The following ADAMTS2 variants were observed in gnomAD, a reference collection of about 807,000 sequenced individuals.
ADAMTS2 encodes A disintegrin and metalloproteinase with thrombospondin motifs 2.
In ADAMTS2, 50 loss-of-function variants were observed where a neutral mutation model predicts 123.0. The observed-to-expected ratio is 0.41, with a 90% confidence interval of 0.32 to 0.51. The LOEUF is 0.51. ADAMTS2 is among the 20% of genes least tolerant of loss of function. The probability of loss-of-function intolerance (pLI) is 0.35; values close to 1 mark genes in which losing one functional copy is unlikely to be tolerated. For missense variants in ADAMTS2, 1,494 were observed against 1,705.2 expected (o/e 0.88, Z 2.18); for synonymous variants, 678 against 695.4 (o/e 0.98, Z 0.39).
chr5:179,226,570 C>T (rs965720481), intron 3 of ADAMTS2, among the ~76,000 whole-genome samples: 2 of 152,062 alleles, frequency 1.3e-5, no homozygotes, highest in Non-Finnish European at 2.9e-5. Context: ...AGCCACCGAG[C>T]AGCTTTTCAG....
At chr5:179,227,785 G>A (rs1358852551) in intron 3 of ADAMTS2, among the ~76,000 whole-genome samples, 1 of 152,160 alleles carries the variant, frequency 6.6e-6, no homozygotes, top group East Asian at 1.9e-4. Context: ...GGAGGGCCAG[G>A]AGAGGAGAGA....
At position 179,236,824 on chromosome 5, in the gene ADAMTS2, T is replaced by C. The variant is rs75332781; in HGVS notation, c.689-29109A>G. On this transcript the variant is annotated intron_variant, in intron 3 of 21. Coordinates refer to ENST00000251582, the MANE Select transcript of ADAMTS2 (RefSeq NM_014244.5). ...GAATTTCCCCCTTCGATGTATGCTATGGACTGAATATTTGTACCCCCAAAA... is the reference window on the plus strand; with the variant it reads ...GAATTTCCCCCTTCGATGTATGCTACGGACTGAATATTTGTACCCCCAAAA... 8.1e-3 allele frequency among the ~76,000 whole-genome samples: 1,233 copies of C among 152,236 alleles called. 14 individuals are homozygous for C. The highest frequency in any genetic ancestry group is 0.028 in the African/African-American group (1,153 of 41,526).
chr5:179,213,327 T>C (rs1032225238), intron 3 of ADAMTS2, among the ~76,000 whole-genome samples: 2 of 152,246 alleles, frequency 1.3e-5, no homozygotes, highest in African/African-American at 4.8e-5. Context: ...GACACTCCAC[T>C]GCAGGCAGGT....
At chr5:179,341,428 C>T (rs1236872015) in intron 2 of ADAMTS2, 25 of 319,926 alleles carry the variant, frequency 7.8e-5, no homozygotes, top group Non-Finnish European at 1.3e-4. Context: ...AGGCTGGGCG[C>T]AGTGGCTCAT....
chr5:179,288,274 A>C (rs1756085243), intron 2 of ADAMTS2, among the ~76,000 whole-genome samples: 1 of 152,050 alleles, frequency 6.6e-6, no homozygotes, highest in South Asian at 2.1e-4. Context: ...GGGCACGCTG[A>C]CCGCCGACCG....
intron 2 of ADAMTS2, among the ~76,000 whole-genome samples, chr5:179,329,265 T>G (rs749228840): frequency 4.0e-5 from 6 of 149,346 alleles, no homozygotes; most frequent in Non-Finnish European, 8.9e-5. Context: ...AGGCAGAGCT[T>G]GCAGTGAGCC....
intron 2 of ADAMTS2, among the ~76,000 whole-genome samples, chr5:179,275,763 T>A (rs945351354): frequency 6.6e-6 from 1 of 152,206 alleles, no homozygotes; most frequent in African/African-American, 2.4e-5. Flanking sequence ...TGGGTCAGGT[T>A]ATACCGACTT....
Position 179,344,145 on chromosome 5 carries a change from G to A in ADAMTS2, c.156C>T (p.His52=). ...AADPPGGPLG[H]GAERILAVPV... ...GCACCGCCAGGATGCGCTCCGCTCC[G>A]TGCCCCAGGGGCCCGCCTGCAACGG... is the stretch of plus-strand genomic sequence containing the variant. Residue 52 remains histidine, a synonymous_variant, in exon 2 of 22, where the codon CAC becomes CAT. Coordinates refer to ENST00000251582, the MANE Select transcript of ADAMTS2 (RefSeq NM_014244.5). The A allele has an allele frequency of 6.3e-7, 1 of 1,598,196 alleles. No individual in the cohort carries two copies. Among genetic ancestry groups the A allele is most frequent in the South Asian group, 1.1e-5 (1 of 89,240 alleles).
intron 3 of ADAMTS2, among the ~76,000 whole-genome samples, chr5:179,216,013 C>A (rs896834338): frequency 6.6e-6 from 1 of 152,196 alleles, no homozygotes; most frequent in African/African-American, 2.4e-5. Context: ...GACAAGCACT[C>A]CTCTCAAGAA....
At position 179,334,555 on chromosome 5, in the gene ADAMTS2, G is replaced by A. The variant is rs191055533; in HGVS notation, c.534+9212C>T. On this transcript the variant is annotated intron_variant, in intron 2 of 21. Transcript: ENST00000251582. ...TAAGCAGAGAAATACCGGGGGCGTT[G>A]CCGTTAAAGCCAGGCACAGATGAGG... 3.3e-3 allele frequency among the ~76,000 whole-genome samples: 496 copies of A among 152,354 alleles called. 5 individuals are homozygous for A. The highest frequency in any genetic ancestry group is 0.01 in the African/African-American group (429 of 41,586).
intron 2 of ADAMTS2, among the ~76,000 whole-genome samples, chr5:179,283,945 G>GATTATTATT (rs756134923): frequency 8.8e-4 from 106 of 120,492 alleles, no homozygotes; most frequent in African/African-American, 1.6e-3. Flanking sequence ...ATGGTCAGAT[G>GATTATTATT]ATTATTATTA....
At chr5:179,184,389 T>A (rs770741851) in intron 4 of ADAMTS2, among the ~76,000 whole-genome samples, 4 of 151,502 alleles carry the variant, frequency 2.6e-5, no homozygotes, top group Non-Finnish European at 5.9e-5. Context: ...CGAGCGCTTG[T>A]AATCCCAGCT....
rs1035748150 is a variant in ADAMTS2 at position 179,129,048 on chromosome 5, A to C, written c.2457+884T>G. Among the ~76,000 whole-genome samples, 1 of 152,146 alleles carries C rather than the reference A, an allele frequency of 6.6e-6. No homozygotes were observed. Among genetic ancestry groups the C allele is most frequent in the Non-Finnish European group, 1.5e-5 (1 of 68,024 alleles). On this transcript the variant is annotated intron_variant, in intron 16 of 21. Transcript: ENST00000251582. The surrounding 1 kb of genome is among the most constrained non-coding windows in gnomAD (Gnocchi z 4.1). Reference sequence around the variant, plus strand: ...GGAACACGTGTGGCAGGCGACTCACACTTCACCACTCTGTGCGTGTCCGTT... The same window carrying C: ...GGAACACGTGTGGCAGGCGACTCACCCTTCACCACTCTGTGCGTGTCCGTT...
At chr5:179,223,595 C>T (rs166145) in intron 3 of ADAMTS2, among the ~76,000 whole-genome samples, 81,098 of 149,858 alleles carry the variant, frequency 0.54, 22,522 homozygotes, top group East Asian at 0.96. Context: ...TGCACTCACG[C>T]GTGAATGCAC....
At chr5:179,140,818 T>TTTTTTTTTTTTTTTTTTTTTTTA (rs1763152104) in intron 10 of ADAMTS2, among the ~76,000 whole-genome samples, 1 of 145,728 alleles carries the variant, frequency 6.9e-6, no homozygotes, top group Non-Finnish European at 1.5e-5. Context: ...TTTTTTTTTT[T>TTTTTTTTTTTTTTTTTTTTTTTA]GAGACAGAGT....
intron 3 of ADAMTS2, among the ~76,000 whole-genome samples, chr5:179,245,967 C>T (rs1016477088): frequency 6.6e-6 from 1 of 152,022 alleles, no homozygotes; most frequent in African/African-American, 2.4e-5. Context: ...TGCCCCTCCA[C>T]AAAAACAGGA....
intron 5 of ADAMTS2, among the ~76,000 whole-genome samples, chr5:179,172,931 T>A (rs1246697620): frequency 2.6e-5 from 4 of 151,792 alleles, no homozygotes. Context: ...TGGTCCAGGC[T>A]CAGCTGCTCA....
Position 179,158,747 on chromosome 5 carries a change from C to T in ADAMTS2, c.1108G>A (p.Asp370Asn). 1 of 1,614,216 alleles carries T rather than the reference C, an allele frequency of 6.2e-7. No homozygotes were observed. The highest frequency in any genetic ancestry group is 8.5e-7 in the Non-Finnish European group (1 of 1,180,058). The change falls in exon 6 of 22, where the codon GAC becomes AAC. Residue 370 changes from aspartate (D) to asparagine (N), a missense_variant. Asp to Asn is a conservative substitution (Grantham distance 23, BLOSUM62 1). Coordinates refer to ENST00000251582, the MANE Select transcript of ADAMTS2 (RefSeq NM_014244.5). This position sits in a 1 kb window ranked among gnomAD's most constrained non-coding sequence, Gnocchi z 5.0. ...HDHAIFLTRQ[D>N]FGPSGMQGYA... ...CCTTGCATGCCGGAAGGCCCAAAGT[C>T]CTGCCGTGTGAGGAAGATGGCGTGA... is the stretch of plus-strand genomic sequence containing the variant.
At chr5:179,283,548 G>GAAAAAAAAAAAA (rs1561684356) in intron 2 of ADAMTS2, among the ~76,000 whole-genome samples, 1 of 4,236 alleles carries the variant, frequency 2.4e-4, no homozygotes, top group African/African-American at 7.3e-4. Flanking sequence ...TAGAAAAACA[G>GAAAAAAAAAAAA]CAAAAAAAAA....
Sources: gnomAD v4.1 joint callset for allele counts (sites outside exome capture counted in the v4.1 genomes callset) on GRCh38, gnomAD v4.1.1 for gene constraint, Gnocchi (gnomAD v3.1) non-coding constraint, MANE v1.5 for transcripts, NCBI Gene and HGNC (gene_info 2026-07-23, HGNC 2026-07-21) for gene names.